Variants in TMEM45B observed in about 807,000 individuals in gnomAD.
The protein encoded by TMEM45B is transmembrane protein 45B.
TMEM45B carries 29 observed loss-of-function variants against 27.3 expected under a neutral mutation model. The ratio of observed to expected loss-of-function variants is 1.06; its 90% CI spans 0.79 to 1.45. TMEM45B has a LOEUF of 1.45. TMEM45B is among the 40% of genes most tolerant of loss of function. The pLI is 0.00. For missense variants in TMEM45B, 348 were observed against 343.9 expected, an observed-to-expected ratio of 1.01 and a Z score of -0.09; for synonymous variants, 143 against 134.7, an observed-to-expected ratio of 1.06 and a Z score of -0.43.
chr11:129,852,135 G>A (rs1003694358), intron 1 of TMEM45B, among the ~76,000 whole-genome samples: 5 of 152,094 alleles, frequency 3.3e-5, no homozygotes, highest in African/African-American at 7.2e-5. Flanking sequence ...ATAGCTGAAC[G>A]TTTTTCTTTT....
intron 1 of TMEM45B, among the ~76,000 whole-genome samples, chr11:129,841,790 G>T (rs557393239): frequency 1.3e-5 from 2 of 151,780 alleles, no homozygotes; most frequent in African/African-American, 4.8e-5. Flanking sequence ...TAGAGATGGG[G>T]TTTCGCCATG....
chr11:129,820,385 G>A (rs1340122560), intron 1 of TMEM45B, among the ~76,000 whole-genome samples: 2 of 152,168 alleles, frequency 1.3e-5, no homozygotes. Flanking sequence ...ACATTGGGTA[G>A]GCAGCTAGCA....
intron 4 of TMEM45B, 125 bp from the exon 5 acceptor site, chr11:129,857,188 T>C (rs1347812832): frequency 8.6e-7 from 1 of 1,164,594 alleles, no homozygotes. Context: ...CTTTCTATGC[T>C]AACGAAGTGT....
At chr11:129,827,323 C>T (rs1223264372) in intron 1 of TMEM45B, among the ~76,000 whole-genome samples, 5 of 152,152 alleles carry the variant, frequency 3.3e-5, no homozygotes, top group Admixed American at 6.5e-5. Flanking sequence ...CTAGGCTATG[C>T]GGTGTATACT....
chr11:129,852,423 ATT>A lies in TMEM45B; in HGVS notation c.-8-50_-8-49del, dbSNP rs1033870130. ...TATTGTGTTTCCTGCCAAAATATAC[ATT>A]TGTTTGCTTGCTTCATTAGCCACCT... is the stretch of plus-strand genomic sequence containing the variant. On this transcript the variant is annotated intron_variant, in intron 1 of 5. Transcript: ENST00000281441. The A allele has an allele frequency of 1.5e-5, 22 of 1,510,672 alleles. No homozygotes were observed. In the African/African-American group the frequency reaches 2.9e-4, roughly 20 times the overall value. The allele number at this position is 1,510,672 out of a possible 1,614,324, so 93.6% of individuals were successfully genotyped here. A position where few individuals can be genotyped will look rare whatever the true frequency, so the allele number is the denominator to read the frequency against.
intron 1 of TMEM45B, chr11:129,827,159 A>T (rs1420619099): frequency 1.9e-4 from 29 of 152,276 alleles, no homozygotes; most frequent in Admixed American, 1.9e-3. Flanking sequence ...GACTGCTACC[A>T]GTACGTCCCA....
chr11:129,826,479 G>A (rs1319896527), intron 1 of TMEM45B, among the ~76,000 whole-genome samples: 26 of 146,638 alleles, frequency 1.8e-4, no homozygotes, highest in African/African-American at 6.0e-4. Flanking sequence ...AACCCGGGAG[G>A]CAGAGCTTGC....
intron 1 of TMEM45B, among the ~76,000 whole-genome samples, chr11:129,851,139 T>C (rs1947840627): frequency 6.6e-6 from 1 of 152,192 alleles, no homozygotes; most frequent in South Asian, 2.1e-4. Flanking sequence ...CATCCTCACA[T>C]GCAGGAGGAC....
In TMEM45B at chr11:129,854,775, G is replaced by A. The variant is rs777859244; in HGVS notation, c.344G>A (p.Gly115Glu). 11 of 1,614,166 alleles carry A rather than the reference G, an allele frequency of 6.8e-6. No homozygotes were observed. In the East Asian group the frequency reaches 2.5e-4, roughly 36 times the overall value. Residue 115 changes from glycine to glutamate, a missense_variant, in exon 3 of 6, where the codon GGG (glycine) becomes GAG (glutamate). Coordinates refer to ENST00000281441, the MANE Select transcript of TMEM45B (RefSeq NM_138788.5). ...TATCTGGTCAGCCACGTTCCCTTGG[G>A]GGTGGACAGACTGGTTATGGCTGTG... ...LTYLVSHVPL[G>E]VDRLVMAVAV... is the part of the protein sequence containing the mutation.
intron 1 of TMEM45B, among the ~76,000 whole-genome samples, chr11:129,839,604 A>G (rs1947665777): frequency 6.6e-6 from 1 of 152,200 alleles, no homozygotes; most frequent in Non-Finnish European, 1.5e-5. Context: ...CAGCGGTGCA[A>G]TCACGGCTCA....
intron 1 of TMEM45B, among the ~76,000 whole-genome samples, chr11:129,849,386 GAAT>G (rs1023187511): frequency 2.0e-5 from 3 of 152,332 alleles, no homozygotes; most frequent in East Asian, 1.9e-4. Context: ...TTAGGCTTGA[GAAT>G]AATATTATCT....
intron 1 of TMEM45B, among the ~76,000 whole-genome samples, chr11:129,824,161 G>A (rs978400181): frequency 1.3e-5 from 2 of 152,130 alleles, no homozygotes; most frequent in Non-Finnish European, 2.9e-5. Context: ...CACTGGGGCT[G>A]TTTATTTCTC....
At chr11:129,850,444 C>A (rs1413404154) in intron 1 of TMEM45B, 1 of 152,242 alleles carries the variant, frequency 6.6e-6, no homozygotes, top group Non-Finnish European at 1.5e-5. Flanking sequence ...GGATTACAGG[C>A]GTGAGCCACC....
intron 1 of TMEM45B, among the ~76,000 whole-genome samples, chr11:129,831,899 C>G (rs1233295667): frequency 6.6e-6 from 1 of 151,842 alleles, no homozygotes. Context: ...AACCCCATCT[C>G]TATTATAAAT....
At chr11:129,831,026 C>G (rs1441108413) in intron 1 of TMEM45B, among the ~76,000 whole-genome samples, 1 of 152,108 alleles carries the variant, frequency 6.6e-6, no homozygotes, top group African/African-American at 2.4e-5. Context: ...TAGTTCCAAA[C>G]CTTATATACA....
chr11:129,827,661 G>C (rs1947501745), intron 1 of TMEM45B, among the ~76,000 whole-genome samples: 1 of 152,106 alleles, frequency 6.6e-6, no homozygotes, highest in Admixed American at 6.6e-5. Context: ...AAATTAGCCA[G>C]GCGTGGTGGT....
intron 1 of TMEM45B, among the ~76,000 whole-genome samples, chr11:129,840,435 C>T (rs771292857): frequency 5.9e-5 from 9 of 152,148 alleles, no homozygotes; most frequent in Admixed American, 3.9e-4. Flanking sequence ...GGAGGGAAGC[C>T]GGTTAGTCAC....
chr11:129,854,506 C>A, intron 2 of TMEM45B, 104 bp from the exon 3 acceptor site: 2 of 1,203,394 alleles, frequency 1.7e-6, no homozygotes, highest in Non-Finnish European at 2.4e-6. Flanking sequence ...GCCACCCTCA[C>A]CTCACCCCAT....
intron 1 of TMEM45B, among the ~76,000 whole-genome samples, chr11:129,826,548 C>CAAAAA (rs1555069241): frequency 7.3e-4 from 13 of 17,808 alleles, no homozygotes; most frequent in South Asian, 2.9e-3. Context: ...GACTCTGTCA[C>CAAAAA]AAAAAAAAAA....
Sources: gnomAD v4.1 joint callset for allele counts (sites outside exome capture counted in the v4.1 genomes callset) on GRCh38, gnomAD v4.1.1 for gene constraint, MANE v1.5 for transcripts, NCBI Gene and HGNC (gene_info 2026-07-23, HGNC 2026-07-21) for gene names.